Variants in GPBP1 observed in about 807,000 individuals in gnomAD.
The protein encoded by GPBP1 is vasculin.
A neutral mutation model predicts 56.5 loss-of-function variants in GPBP1; 13 were observed. That is an observed-to-expected ratio of 0.23 (90% CI 0.15 to 0.37). The LOEUF is 0.37. Among genes scored for constraint, GPBP1 ranks in the 10% least tolerant of loss-of-function variants. The pLI, the probability that GPBP1 is intolerant of heterozygous loss-of-function variation, is 1.00. For synonymous variants in GPBP1, 204 were observed against 188.9 expected (o/e 1.08, Z -0.66); for missense variants, 477 against 572.3 (o/e 0.83, Z 1.70).
chr5:57,192,248 T>G (rs1441166682), intron 2 of GPBP1, among the ~76,000 whole-genome samples: 1 of 152,160 alleles, frequency 6.6e-6, no homozygotes, highest in Admixed American at 6.6e-5. Context: ...TTCTTTTAAC[T>G]TGACTGGTAG....
At position 57,191,166 on chromosome 5, in the gene GPBP1, A is replaced by G. The variant is rs545693856; in HGVS notation, c.-58+14766A>G. On this transcript the variant is annotated intron_variant, in intron 2 of 11. Coordinates refer to ENST00000506184, the MANE Select transcript of GPBP1 (RefSeq NM_022913.4). ...AGTGGCACAACCTTGGCTTACTGCAACCTCTGCCTCCTTGGTTCAAGTGAT... is the reference window on the plus strand; with the variant it reads ...AGTGGCACAACCTTGGCTTACTGCAGCCTCTGCCTCCTTGGTTCAAGTGAT... Among the ~76,000 whole-genome samples, 4 of 151,792 alleles carry G rather than the reference A, an allele frequency of 2.6e-5. No homozygotes were observed. The South Asian group carries it at 6.2e-4, about 24-fold the overall frequency.
chr5:57,250,645 C>G (rs911980493), intron 9 of GPBP1, among the ~76,000 whole-genome samples: 1 of 151,136 alleles, frequency 6.6e-6, no homozygotes, highest in Non-Finnish European at 1.5e-5. Context: ...TAGGTTCAAG[C>G]AATTCTCCTG....
chr5:57,192,306 A>C (rs544727844), intron 2 of GPBP1, among the ~76,000 whole-genome samples: 131 of 152,188 alleles, frequency 8.6e-4, no homozygotes, highest in Non-Finnish European at 1.5e-3. Flanking sequence ...CTGAGTACTT[A>C]ATTTGCTGAG....
At chr5:57,222,326 A>AT (rs1755988445) in intron 3 of GPBP1, among the ~76,000 whole-genome samples, 1 of 152,184 alleles carries the variant, frequency 6.6e-6, no homozygotes, top group Non-Finnish European at 1.5e-5. Context: ...AGCTTGAGAG[A>AT]TTAATTTGCT....
chr5:57,219,399 AAAAACCAAAAACAAACAAAC>A (rs1561348259), intron 3 of GPBP1, among the ~76,000 whole-genome samples: 1 of 59,550 alleles, frequency 1.7e-5, no homozygotes, highest in Non-Finnish European at 2.7e-5. Flanking sequence ...AAAAAAAAAA[AAAAACCAAAAACAAACAAAC>A]AAAAAAAAAA....
In GPBP1 at chr5:57,191,290, C is replaced by T. The variant is rs367615824; in HGVS notation, c.-58+14890C>T. ...TTGTATTTTTAGTAGAGGCAGGTTT[C>T]GCCATGTTGGCCAGGCTGGTCTTGA... On this transcript the variant is annotated intron_variant, in intron 2 of 11. Transcript: ENST00000506184. Among the ~76,000 whole-genome samples, 89 of 151,940 alleles carry T rather than the reference C, an allele frequency of 5.9e-4. 4 individuals carry two copies. In the South Asian group the frequency reaches 0.017, roughly 28 times the overall value.
chr5:57,231,133 A>G lies in GPBP1; in HGVS notation c.223A>G (p.Thr75Ala). The G allele has an allele frequency of 1.9e-6, 3 of 1,614,182 alleles. No homozygotes were observed. The highest frequency in any genetic ancestry group is 2.5e-6 in the Non-Finnish European group (3 of 1,180,000). ...FGRKEKNGWR[T>A]HGRNGTENIN... The stretch of plus-strand genomic sequence containing the variant: ...AAGGAAAGAAAAAAATGGATGGCGT[A>G]CACATGGAAGAAATGGTACAGAAAA... The change falls in exon 5 of 12, where the codon ACA becomes GCA. Residue 75 changes from threonine (T) to alanine (A), a missense_variant. This residue lies in a region of GPBP1 where 414 missense variants were observed against 458.2 expected (regional missense o/e 0.90). Coordinates refer to ENST00000506184, the MANE Select transcript of GPBP1 (RefSeq NM_022913.4).
chr5:57,175,737 C>G lies in GPBP1; in HGVS notation c.-721C>G, dbSNP rs778253864. ...AATTTTTGCCTCCCCTTCCCCCACC[C>G]CGTTGTTGGGGTTCTTCAGCCGAAA... On this transcript the variant is annotated 5_prime_UTR_variant, in exon 2 of 12. Transcript: ENST00000506184. 2.2e-4 allele frequency: 89 copies of G among 396,476 alleles called. No homozygotes were observed. Among genetic ancestry groups the G allele is most frequent in the Non-Finnish European group, 3.6e-4 (81 of 225,370 alleles). 24.6% of individuals were successfully genotyped at this position (396,476 alleles called of 1,614,324 possible).
chr5:57,252,184 C>T (rs1206332194), intron 10 of GPBP1, among the ~76,000 whole-genome samples: 3 of 136,240 alleles, frequency 2.2e-5, no homozygotes, highest in Non-Finnish European at 4.7e-5. Flanking sequence ...CTGTGTTGCC[C>T]AGACTGGTCT....
chr5:57,258,728 A>G (rs1741770295), intron 10 of GPBP1, among the ~76,000 whole-genome samples: 1 of 152,114 alleles, frequency 6.6e-6, no homozygotes, highest in African/African-American at 2.4e-5. Context: ...TGATCCTCCC[A>G]CCTCGGTCTC....
At chr5:57,227,478 G>A (rs1421658386) in intron 3 of GPBP1, among the ~76,000 whole-genome samples, 1 of 152,152 alleles carries the variant, frequency 6.6e-6, no homozygotes, top group Non-Finnish European at 1.5e-5. Flanking sequence ...ATGGCCATGA[G>A]ACACTGCACC....
chr5:57,180,715 G>T (rs1473755224), intron 2 of GPBP1, among the ~76,000 whole-genome samples: 1 of 152,112 alleles, frequency 6.6e-6, no homozygotes, highest in Non-Finnish European at 1.5e-5. Flanking sequence ...TGTAAATTGT[G>T]AAGTGTAATA....
intron 3 of GPBP1, among the ~76,000 whole-genome samples, chr5:57,220,921 TTC>T (rs1755932700): frequency 6.6e-6 from 1 of 151,940 alleles, no homozygotes; most frequent in Non-Finnish European, 1.5e-5. Context: ...ACCTCTTGTT[TTC>T]TGCCATAGAC....
At chr5:57,207,704 C>T (rs754212417) in intron 2 of GPBP1, among the ~76,000 whole-genome samples, 3 of 152,120 alleles carry the variant, frequency 2.0e-5, no homozygotes, top group Non-Finnish European at 2.9e-5. Context: ...TGGAAGTTTC[C>T]AGCAGATGGA....
At chr5:57,199,238 T>C (rs1166832430) in intron 2 of GPBP1, among the ~76,000 whole-genome samples, 4 of 152,244 alleles carry the variant, frequency 2.6e-5, no homozygotes, top group Admixed American at 6.5e-5. Context: ...TTTGTAGATA[T>C]AACAAAAGTT....
intron 2 of GPBP1, among the ~76,000 whole-genome samples, chr5:57,187,739 T>C (rs1027722377): frequency 5.3e-5 from 8 of 152,034 alleles, no homozygotes; most frequent in African/African-American, 1.9e-4. Context: ...TGCTTTGAAA[T>C]TGTAAAATAA....
chr5:57,256,537 A>G (rs777932574), intron 10 of GPBP1, among the ~76,000 whole-genome samples: 2 of 152,122 alleles, frequency 1.3e-5, no homozygotes, highest in Non-Finnish European at 2.9e-5. Context: ...ATAAAAAGAG[A>G]GAGTTATGCA....
intron 2 of GPBP1, among the ~76,000 whole-genome samples, chr5:57,200,683 C>G (rs570362779): frequency 7.3e-5 from 11 of 150,832 alleles, no homozygotes; most frequent in African/African-American, 2.4e-4. Context: ...TTTTAAATAA[C>G]AAAACTTACT....
chr5:57,206,706 G>GT (rs1465700350), intron 2 of GPBP1, among the ~76,000 whole-genome samples: 1 of 152,006 alleles, frequency 6.6e-6, no homozygotes, highest in Non-Finnish European at 1.5e-5. Context: ...TGGGTAGGGG[G>GT]GTCCAATGGC....
Sources: allele counts gnomAD v4.1 joint callset (sites outside exome capture counted in the v4.1 genomes callset), GRCh38; gene constraint gnomAD v4.1.1; regional missense constraint gnomAD v4.1.1; transcripts MANE v1.5; gene names NCBI Gene and HGNC (gene_info 2026-07-23, HGNC 2026-07-21).